The following CNGB1 variants were observed in gnomAD, a reference collection of about 807,000 sequenced individuals.
CNGB1 encodes the protein cyclic nucleotide gated channel subunit beta 1, also known as cyclic nucleotide-gated channel beta-1.
In CNGB1, 126 loss-of-function variants were observed where a neutral mutation model predicts 151.7. That is an observed-to-expected ratio of 0.83 (90% CI 0.72 to 0.96). CNGB1 has a LOEUF of 0.96. CNGB1 is among the 40% of genes least tolerant of loss of function. CNGB1 has a pLI of 0.00. For missense variants in CNGB1, 1,698 were observed against 1,627.0 expected, an observed-to-expected ratio of 1.04 and a Z score of -0.75; for synonymous variants, 623 against 635.1, an observed-to-expected ratio of 0.98 and a Z score of 0.29.
intron 25 of CNGB1, among the ~76,000 whole-genome samples, chr16:57,907,672 G>C (rs1466001715): frequency 4.6e-5 from 7 of 152,182 alleles, no homozygotes; most frequent in African/African-American, 1.7e-4. Flanking sequence ...GCATAGAAAG[G>C]GGCTTCAAGT....
chr16:57,968,865 T>TA (rs749886638), intron 1 of CNGB1, among the ~76,000 whole-genome samples: 4,112 of 122,846 alleles, frequency 0.033, 113 homozygotes, highest in African/African-American at 0.084. Flanking sequence ...TGTCTCTATT[T>TA]AAAAAAAAAA....
At chr16:57,901,066 G>C (rs1011568429) in intron 29 of CNGB1, among the ~76,000 whole-genome samples, 3 of 152,046 alleles carry the variant, frequency 2.0e-5, no homozygotes, top group Non-Finnish European at 2.9e-5. Flanking sequence ...AGTTGGGGGG[G>C]GGGTCTTTGT....
At chr16:57,912,656 TTG>T (rs775021902) in intron 24 of CNGB1, among the ~76,000 whole-genome samples, 24 of 150,898 alleles carry the variant, frequency 1.6e-4, no homozygotes, top group African/African-American at 2.9e-4. Flanking sequence ...GTGTTGTGTG[TTG>T]TGTGTGTTTG....
chr16:57,960,183 G>C, intron 9 of CNGB1, 118 bp from the exon 10 acceptor site: 2 of 1,490,112 alleles, frequency 1.3e-6, no homozygotes, highest in Middle Eastern at 2.4e-4. Context: ...AGCCCTTTGG[G>C]ACCACCTCAC....
At chr16:57,938,000 A>G (rs1161629457) in intron 16 of CNGB1, among the ~76,000 whole-genome samples, 1 of 152,222 alleles carries the variant, frequency 6.6e-6, no homozygotes, top group African/African-American at 2.4e-5. Context: ...ACAAATCACC[A>G]GGAGATCTTG....
At chr16:57,952,419 T>C (rs1011112616) in intron 12 of CNGB1, among the ~76,000 whole-genome samples, 4 of 151,470 alleles carry the variant, frequency 2.6e-5, no homozygotes, top group Non-Finnish European at 4.4e-5. Context: ...GCTTCCACAC[T>C]TCCTTTCCTT....
chr16:57,908,889 C>G (rs573570409), intron 25 of CNGB1, among the ~76,000 whole-genome samples: 40 of 152,362 alleles, frequency 2.6e-4, no homozygotes, highest in African/African-American at 9.4e-4. Context: ...CCAGTGCACT[C>G]TTCCATCAGC....
intron 30 of CNGB1, 21 bp from the exon 31 acceptor site, chr16:57,897,564 A>G: frequency 6.2e-7 from 1 of 1,613,722 alleles, no homozygotes; most frequent in South Asian, 1.1e-5. Context: ...GAAGGGAGGA[A>G]GGAGGCCCTT....
intron 9 of CNGB1, 38 bp from the exon 10 acceptor site, chr16:57,960,103 C>T (rs1259090916): frequency 1.3e-6 from 2 of 1,536,520 alleles, no homozygotes; most frequent in East Asian, 2.4e-5. Context: ...AGACGCCATC[C>T]CTTGAGGGCT....
intron 11 of CNGB1, 145 bp downstream of exon 11, chr16:57,958,264 TG>T: frequency 2.0e-6 from 1 of 501,604 alleles, no homozygotes; most frequent in Non-Finnish European, 3.4e-6. Flanking sequence ...TCTCAGGGAG[TG>T]GGTGGAATGA....
intron 29 of CNGB1, 60 bp downstream of exon 29, chr16:57,901,292 C>A: frequency 6.5e-7 from 1 of 1,547,450 alleles, no homozygotes; most frequent in South Asian, 1.1e-5. Context: ...CAGCTCAGTT[C>A]CTTGAAAGCC....
chr16:57,952,409 G>T (rs1466268143), intron 12 of CNGB1, among the ~76,000 whole-genome samples: 4 of 150,684 alleles, frequency 2.7e-5, no homozygotes, highest in African/African-American at 9.8e-5. Context: ...TGCTGTCCTT[G>T]CTTCCACACT....
At chr16:57,943,631 T>C (rs1181160615) in intron 14 of CNGB1, among the ~76,000 whole-genome samples, 1 of 151,852 alleles carries the variant, frequency 6.6e-6, no homozygotes, top group Non-Finnish European at 1.5e-5. Flanking sequence ...GATTGCACCA[T>C]TGCACTCCAG....
chr16:57,957,220 C>T (rs140514053), intron 12 of CNGB1, 121 bp downstream of exon 12: 2,461 of 53,226 alleles, frequency 0.046, 43 homozygotes, highest in African/African-American at 0.45. Context: ...ACCCTAACTG[C>T]CCCCCTGTGT....
At chr16:57,956,756 G>T (rs1221609988) in intron 12 of CNGB1, among the ~76,000 whole-genome samples, 2 of 152,224 alleles carry the variant, frequency 1.3e-5, no homozygotes, top group Non-Finnish European at 2.9e-5. Flanking sequence ...CCTGTCCACC[G>T]CATGCCTCTC....
chr16:57,898,119 G>A (rs1960284538), intron 29 of CNGB1, among the ~76,000 whole-genome samples: 1 of 152,208 alleles, frequency 6.6e-6, no homozygotes, highest in South Asian at 2.1e-4. Flanking sequence ...TTGGAGGAGT[G>A]ACTACCCCAT....
chr16:57,952,852 G>A (rs1388146099), intron 12 of CNGB1, among the ~76,000 whole-genome samples: 1 of 151,984 alleles, frequency 6.6e-6, no homozygotes, highest in East Asian at 1.9e-4. Flanking sequence ...GTCCTATACT[G>A]TTCCCATTTT....
In CNGB1 at chr16:57,902,691, C is replaced by T. The variant is rs531081537; in HGVS notation, c.2795-1066G>A. Among the ~76,000 whole-genome samples the T allele has an allele frequency of 4.3e-4, 65 of 152,170 alleles. 1 individual carries two copies. The South Asian group carries it at 0.013, about 31-fold the overall frequency. ...GTGGCACAATCACAACTCACTGCAGCCTCAACTTCCTCAGGCTCAAGCGAT... is the reference window on the plus strand; with the variant it reads ...GTGGCACAATCACAACTCACTGCAGTCTCAACTTCCTCAGGCTCAAGCGAT... On this transcript the variant is annotated intron_variant, in intron 27 of 32. Coordinates refer to ENST00000251102, the MANE Select transcript of CNGB1 (RefSeq NM_001297.5).
chr16:57,887,709 A>T, intron 32 of CNGB1, 146 bp downstream of exon 32: 1 of 801,742 alleles, frequency 1.2e-6, no homozygotes, highest in Non-Finnish European at 2.1e-6. Flanking sequence ...GCACTCTGTC[A>T]CTGGTAACCA....
Sources: gnomAD v4.1 joint callset for allele counts (sites outside exome capture counted in the v4.1 genomes callset) on GRCh38, gnomAD v4.1.1 for gene constraint, MANE v1.5 for transcripts, NCBI Gene and HGNC (gene_info 2026-07-23, HGNC 2026-07-21) for gene names.